CCDC171: variants seen among roughly 807,000 people sequenced by gnomAD.
The protein encoded by CCDC171 is coiled-coil domain-containing protein 171.
CCDC171 carries 177 observed loss-of-function variants against 168.2 expected under a neutral mutation model. The observed-to-expected ratio is 1.05, with a 90% confidence interval of 0.93 to 1.19. CCDC171 has a LOEUF of 1.19. Ranked by LOEUF, CCDC171 falls within the 50% of genes most tolerant of loss-of-function variation. CCDC171 has a pLI of 0.00. For missense variants in CCDC171, 1,991 were observed against 1,539.0 expected, an observed-to-expected ratio of 1.29 and a Z score of -4.91; for synonymous variants, 687 against 540.8, an observed-to-expected ratio of 1.27 and a Z score of -3.75.
At chr9:15,799,814 A>C (rs943484792) in intron 21 of CCDC171, among the ~76,000 whole-genome samples, 1 of 151,988 alleles carries the variant, frequency 6.6e-6, no homozygotes. Flanking sequence ...TCTACTGTCT[A>C]TCTCCATGAG....
At chr9:16,021,157 G>A (rs570385970) in intron 4 of CCDC171, among the ~76,000 whole-genome samples, 4 of 152,254 alleles carry the variant, frequency 2.6e-5, no homozygotes, top group South Asian at 2.1e-4. Context: ...GCGTGATCTC[G>A]GCGCACTGCA....
intron 1 of CCDC171, among the ~76,000 whole-genome samples, chr9:16,059,491 CTTTTTTTTTTTTTCTT>C (rs1304307534): frequency 3.9e-4 from 46 of 117,324 alleles, no homozygotes; most frequent in African/African-American, 1.2e-3. Context: ...GATAGCAGGT[CTTTTTTTTTTTTTCTT>C]TTTTTTTTTT....
chr9:15,784,966 T>G (rs149784424), intron 21 of CCDC171, among the ~76,000 whole-genome samples: 1 of 152,148 alleles, frequency 6.6e-6, no homozygotes, highest in Non-Finnish European at 1.5e-5. Flanking sequence ...AAATTAACAA[T>G]AAATTTTTGT....
chr9:15,662,977 TCTCAAC>T (rs1442023745), intron 8 of CCDC171, among the ~76,000 whole-genome samples: 2 of 127,218 alleles, frequency 1.6e-5, no homozygotes, highest in Non-Finnish European at 1.7e-5. Flanking sequence ...CGAGACTTCG[TCTCAAC>T]AACAACAACA....
intron 3 of CCDC171, among the ~76,000 whole-genome samples, chr9:15,981,206 A>T (rs1383572968): frequency 6.6e-6 from 1 of 152,128 alleles, no homozygotes. Flanking sequence ...TAATATTTTG[A>T]TATAGGCTCT....
intron 24 of CCDC171, among the ~76,000 whole-genome samples, chr9:15,904,200 G>T (rs575819016): frequency 6.6e-6 from 1 of 152,096 alleles, no homozygotes; most frequent in Non-Finnish European, 1.5e-5. Context: ...TCCTCGAGAA[G>T]AGCAACTCCA....
intron 24 of CCDC171, among the ~76,000 whole-genome samples, chr9:15,917,802 G>A (rs1824737613): frequency 6.6e-6 from 1 of 151,546 alleles, no homozygotes; most frequent in African/African-American, 2.4e-5. Flanking sequence ...AATAATCCAG[G>A]AGCCTATTAC....
chr9:15,893,040 A>G (rs1001893960), intron 24 of CCDC171, among the ~76,000 whole-genome samples: 1 of 152,216 alleles, frequency 6.6e-6, no homozygotes. Flanking sequence ...AAACTATATT[A>G]CAAGGCTACA....
intron 24 of CCDC171, among the ~76,000 whole-genome samples, chr9:15,911,324 G>C (rs1344871781): frequency 6.6e-6 from 1 of 152,058 alleles, no homozygotes; most frequent in African/African-American, 2.4e-5. Flanking sequence ...TCATATGTTT[G>C]TTGGCCATAT....
chr9:15,627,434 T>G (rs950848646), intron 7 of CCDC171, among the ~76,000 whole-genome samples: 1 of 152,178 alleles, frequency 6.6e-6, no homozygotes, highest in Non-Finnish European at 1.5e-5. Flanking sequence ...AGATCTTTCC[T>G]GCTTTCTCTT....
intron 11 of CCDC171, among the ~76,000 whole-genome samples, chr9:15,702,172 G>A (rs2051803534): frequency 2.0e-5 from 3 of 151,990 alleles, no homozygotes; most frequent in Admixed American, 2.0e-4. Flanking sequence ...CTCAACAGTG[G>A]GCTTAAAATA....
intron 24 of CCDC171, among the ~76,000 whole-genome samples, chr9:15,911,235 A>G (rs112340179): frequency 0.05 from 7,596 of 152,290 alleles, 403 homozygotes; most frequent in South Asian, 0.13. Context: ...AATGACAGCC[A>G]TTCCAACTGG....
At chr9:15,945,064 G>A (rs889433235) in intron 25 of CCDC171, among the ~76,000 whole-genome samples, 8 of 149,250 alleles carry the variant, frequency 5.4e-5, no homozygotes, top group Non-Finnish European at 1.0e-4. Flanking sequence ...AGAGTGTGAT[G>A]TTCCCCTTCC....
rs1019371695 is a variant in CCDC171 at position 15,775,352 on chromosome 9, ATTTG to A, written c.2672-2240_2672-2237del. Among the ~76,000 whole-genome samples the A allele has an allele frequency of 5.3e-5, 8 of 152,074 alleles. 1 individual carries two copies. Among genetic ancestry groups the A allele is most frequent in the Non-Finnish European group, 1.2e-4 (8 of 67,986 alleles). The stretch of plus-strand genomic sequence containing the variant: ...TTTCTGTGACAAAGTAAAAAACCTT[ATTTG>A]TTTGTTTATTTATTTATTCCTTTTT... On this transcript the variant is annotated intron_variant, in intron 18 of 25. Transcript: ENST00000380701.
At chr9:15,757,945 A>G (rs2135016132) in intron 18 of CCDC171, among the ~76,000 whole-genome samples, 1 of 152,312 alleles carries the variant, frequency 6.6e-6, no homozygotes, top group South Asian at 2.1e-4. Flanking sequence ...ATGTATGGAA[A>G]TGCCAGGATG....
At chr9:15,763,663 T>C (rs1184298918) in intron 18 of CCDC171, among the ~76,000 whole-genome samples, 1 of 152,214 alleles carries the variant, frequency 6.6e-6, no homozygotes, top group South Asian at 2.1e-4. Flanking sequence ...TTACTACCCA[T>C]ACAATATATA....
intron 1 of CCDC171, among the ~76,000 whole-genome samples, chr9:16,045,889 C>T (rs1320779928): frequency 6.6e-6 from 1 of 152,146 alleles, no homozygotes; most frequent in African/African-American, 2.4e-5. Flanking sequence ...AACCCAGGCT[C>T]TACTTCCCTG....
intron 7 of CCDC171, among the ~76,000 whole-genome samples, chr9:15,636,321 A>G (rs191245100): frequency 2.7e-4 from 41 of 152,344 alleles, no homozygotes; most frequent in African/African-American, 9.4e-4. Flanking sequence ...AGGAATAAAA[A>G]TATGAAATTA....
At chr9:15,652,811 G>T (rs1180588024) in intron 7 of CCDC171, among the ~76,000 whole-genome samples, 1 of 152,146 alleles carries the variant, frequency 6.6e-6, no homozygotes, top group Non-Finnish European at 1.5e-5. Flanking sequence ...TCTTTTTCAA[G>T]ATTGTCATGT....
Sources: gnomAD v4.1 joint callset for allele counts (sites outside exome capture counted in the v4.1 genomes callset) on GRCh38, gnomAD v4.1.1 for gene constraint, MANE v1.5 for transcripts, NCBI Gene and HGNC (gene_info 2026-07-23, HGNC 2026-07-21) for gene names.